Variants in DIAPH2 observed in about 807,000 individuals in gnomAD.
DIAPH2 encodes the protein protein diaphanous homolog 2.
Under a neutral mutation model 92.7 loss-of-function variants are expected in DIAPH2, and 35 were observed. The ratio of observed to expected loss-of-function variants is 0.38; its 90% CI spans 0.29 to 0.50. The LOEUF (loss-of-function observed/expected upper bound fraction) is 0.50, where lower values mean the gene tolerates loss of function less well. Among genes scored for constraint, DIAPH2 ranks in the 20% least tolerant of loss-of-function variants. The probability of loss-of-function intolerance (pLI) is 0.94; values close to 1 mark genes in which losing one functional copy is unlikely to be tolerated. For missense variants in DIAPH2, 701 were observed against 819.5 expected, an observed-to-expected ratio of 0.86 and a Z score of 1.77; for synonymous variants, 301 against 280.4, an observed-to-expected ratio of 1.07 and a Z score of -0.73.
intron 26 of DIAPH2, among the ~76,000 whole-genome samples, chrX:97,573,724 G>A (rs954474553): frequency 1.9e-5 from 2 of 105,545 alleles, no homozygotes; most frequent in East Asian, 2.9e-4. Flanking sequence ...GCAATGGTGC[G>A]ATCTTGGCTC....
chrX:96,921,949 T>C lies in DIAPH2; in HGVS notation c.978+3332T>C, dbSNP rs149259017. ...AACTGTGGTAGTGATTCTTCAGATT[T>C]ATACATCCAGCTCAGTGACTGGTAT... On this transcript the variant is annotated intron_variant, in intron 9 of 26. Transcript: ENST00000324765. Among the ~76,000 whole-genome samples the C allele has an allele frequency of 5.0e-3, 561 of 111,552 alleles. 5 individuals are homozygous for C. Among genetic ancestry groups the C allele is most frequent in the African/African-American group, 0.018 (549 of 30,812 alleles).
At chrX:96,686,681 G>C (rs2063772874) in intron 1 of DIAPH2, among the ~76,000 whole-genome samples, 2 of 111,211 alleles carry the variant, frequency 1.8e-5, no homozygotes, top group Middle Eastern at 4.2e-3. Context: ...CATAACTTTT[G>C]AGCCTTACGT....
chrX:96,926,573 A>C (rs1362181216), intron 9 of DIAPH2, among the ~76,000 whole-genome samples: 1 of 111,612 alleles, frequency 9.0e-6, no homozygotes, highest in African/African-American at 3.2e-5. Flanking sequence ...TGTAGAAATA[A>C]AATAAATTGT....
chrX:97,507,141 C>CAAAAAAAAAAAAAAAAAAAAAAAA (rs397896097), intron 26 of DIAPH2, among the ~76,000 whole-genome samples: 2 of 31,131 alleles, frequency 6.4e-5, no homozygotes, highest in Non-Finnish European at 5.4e-5. Flanking sequence ...ACAAAACCGA[C>CAAAAAAAAAAAAAAAAAAAAAAAA]AAAAAAAAAA....
At chrX:97,382,576 A>G (rs1357050209) in intron 24 of DIAPH2, among the ~76,000 whole-genome samples, 1 of 112,157 alleles carries the variant, frequency 8.9e-6, no homozygotes, top group Non-Finnish European at 1.9e-5. Context: ...CTTTAAAATT[A>G]TGATTCTAGT....
chrX:97,022,665 G>A (rs945468565), intron 17 of DIAPH2, among the ~76,000 whole-genome samples: 6 of 111,711 alleles, frequency 5.4e-5, no homozygotes, highest in Non-Finnish European at 1.1e-4. Context: ...AAAAATTATT[G>A]TCATCTGGAA....
chrX:97,316,474 T>C (rs1454425755), intron 23 of DIAPH2, among the ~76,000 whole-genome samples: 1 of 60,335 alleles, frequency 1.7e-5, no homozygotes, highest in Non-Finnish European at 2.9e-5. Context: ...ACCCCGTCTC[T>C]ACTAAAAATA....
At chrX:97,487,657 A>T (rs1364434260) in intron 26 of DIAPH2, among the ~76,000 whole-genome samples, 1 of 111,273 alleles carries the variant, frequency 9.0e-6, no homozygotes, top group Non-Finnish European at 1.9e-5. Context: ...GAAGCTTCAT[A>T]CTCTTTTCCA....
In DIAPH2 at chrX:97,012,412, C is replaced by T. The variant is rs191206871; in HGVS notation, c.2050+47205C>T. 2.2e-3 allele frequency among the ~76,000 whole-genome samples: 245 copies of T among 111,966 alleles called. 1 individual carries two copies. The highest frequency in any genetic ancestry group is 7.7e-3 in the African/African-American group (237 of 30,837). On this transcript the variant is annotated intron_variant, in intron 17 of 26. Coordinates refer to ENST00000324765, the MANE Select transcript of DIAPH2 (RefSeq NM_006729.5). ...GAAGCTCCAGATGGTTAAATAACTCCTCTACTCTCTCATGGAAATGACAGA... is the reference window on the plus strand; with the variant it reads ...GAAGCTCCAGATGGTTAAATAACTCTTCTACTCTCTCATGGAAATGACAGA...
chrX:96,897,929 T>C (rs1350767981), intron 5 of DIAPH2, among the ~76,000 whole-genome samples: 2 of 78,311 alleles, frequency 2.6e-5, no homozygotes, highest in African/African-American at 4.8e-5. Flanking sequence ...CCTGTGTCCA[T>C]GTGTTCTCAT....
intron 16 of DIAPH2, among the ~76,000 whole-genome samples, chrX:96,958,989 C>G (rs748180073): frequency 1.8e-3 from 203 of 111,607 alleles, no homozygotes; most frequent in Non-Finnish European, 3.3e-3. Flanking sequence ...CGTTGATGGA[C>G]ACTTAGCTTG....
At chrX:97,297,075 C>A (rs976440504) in intron 23 of DIAPH2, among the ~76,000 whole-genome samples, 3 of 75,131 alleles carry the variant, frequency 4.0e-5, no homozygotes, top group African/African-American at 1.6e-4. Flanking sequence ...CCAGGCCTGG[C>A]CTTTTTTTTT....
chrX:97,194,633 C>A (rs750868397), intron 22 of DIAPH2, among the ~76,000 whole-genome samples: 2 of 111,158 alleles, frequency 1.8e-5, no homozygotes, highest in South Asian at 3.9e-4. Context: ...TTTCACCTGT[C>A]CAGATAACCT....
chrX:97,015,787 G>GAAAAAAAAAAAAAAAAAAAAAA (rs397966972), intron 17 of DIAPH2, among the ~76,000 whole-genome samples: 1 of 33,616 alleles, frequency 3.0e-5, no homozygotes. Flanking sequence ...GACGCCATCT[G>GAAAAAAAAAAAAAAAAAAAAAA]AAAAAAAAAA....
intron 25 of DIAPH2, among the ~76,000 whole-genome samples, chrX:97,410,227 T>A (rs2069854381): frequency 8.9e-6 from 1 of 112,105 alleles, no homozygotes; most frequent in South Asian, 3.7e-4. Flanking sequence ...TCTGCAATAT[T>A]TGCTGTTCTG....
chrX:97,402,455 G>T (rs2069767462), intron 25 of DIAPH2, among the ~76,000 whole-genome samples: 1 of 111,389 alleles, frequency 9.0e-6, no homozygotes. Flanking sequence ...TTGTTTGTAT[G>T]TACTTTAGAA....
At chrX:96,804,472 T>C (rs2064608547) in intron 4 of DIAPH2, among the ~76,000 whole-genome samples, 1 of 111,956 alleles carries the variant, frequency 8.9e-6, no homozygotes, top group Non-Finnish European at 1.9e-5. Flanking sequence ...TAGCAAAAGA[T>C]AGAATAATTT....
chrX:97,340,997 T>C (rs1344424737), intron 23 of DIAPH2: 1 of 104,883 alleles, frequency 9.5e-6, no homozygotes, highest in Non-Finnish European at 2.0e-5. Flanking sequence ...TTTTTTTTTT[T>C]TTTTTTTTTT....
intron 26 of DIAPH2, among the ~76,000 whole-genome samples, chrX:97,594,880 C>T (rs2071540787): frequency 8.9e-6 from 1 of 111,779 alleles, no homozygotes; most frequent in South Asian, 3.8e-4. Flanking sequence ...ACAGCCTTCC[C>T]CTAGGCAACA....
Sources: allele counts gnomAD v4.1 joint callset (sites outside exome capture counted in the v4.1 genomes callset), GRCh38; gene constraint gnomAD v4.1.1; transcripts MANE v1.5; gene names NCBI Gene and HGNC (gene_info 2026-07-23, HGNC 2026-07-21).